UHRF2: variants seen among roughly 807,000 people sequenced by gnomAD.
UHRF2 encodes the protein E3 ubiquitin-protein ligase UHRF2.
A neutral mutation model predicts 96.8 loss-of-function variants in UHRF2; 23 were observed. That is an observed-to-expected ratio of 0.24 (90% CI 0.17 to 0.34). UHRF2 has a LOEUF of 0.34. Ranked by LOEUF, UHRF2 falls within the 10% of genes least tolerant of loss-of-function variation. The probability of loss-of-function intolerance (pLI) is 1.00; values close to 1 mark genes in which losing one functional copy is unlikely to be tolerated. For missense variants in UHRF2, 685 were observed against 981.5 expected, an observed-to-expected ratio of 0.70 and a Z score of 4.04; for synonymous variants, 385 against 332.6, an observed-to-expected ratio of 1.16 and a Z score of -1.72.
intron 14 of UHRF2, 79 bp from the exon 15 acceptor site, chr9:6,504,514 G>T: frequency 1.1e-6 from 1 of 901,328 alleles, no homozygotes; most frequent in Non-Finnish European, 1.7e-6. Context: ...TAGCTGTTTT[G>T]AAATACACAG....
chr9:6,418,026 A>G (rs2130710606), intron 1 of UHRF2, among the ~76,000 whole-genome samples: 1 of 152,188 alleles, frequency 6.6e-6, no homozygotes, highest in East Asian at 1.9e-4. Context: ...CATGTTTTAT[A>G]CTGTTAGTTT....
At position 6,506,359 on chromosome 9, in the gene UHRF2, T is replaced by C. The variant is rs1587894934; in HGVS notation, c.*180T>C. The C allele has an allele frequency of 1.5e-5, 11 of 719,186 alleles. No individual in the cohort carries two copies. In the South Asian group the frequency reaches 2.6e-4, roughly 17 times the overall value. 44.6% of individuals were successfully genotyped at this position (719,186 alleles called of 1,614,324 possible). A position where few individuals can be genotyped will look rare whatever the true frequency, so the allele number is the denominator to read the frequency against. On this transcript the variant is annotated 3_prime_UTR_variant, in exon 16 of 16. Coordinates refer to ENST00000276893, the MANE Select transcript of UHRF2 (RefSeq NM_152896.3). ...AAGAGGCCCATTTCTCAACTGTCTT[T>C]TAAATATCTAAAGGTAGTTCCTGTA...
rs1825161297 is a variant in UHRF2, at chr9:6,499,662, TTGTC to T, written c.1909-169_1909-166del. ...GCTACATAAATTGGGATTTTAATAG[TTGTC>T]TGTGCTTTGAATTCTTTTCCTTTAA... On this transcript the variant is annotated intron_variant, in intron 12 of 15. Coordinates refer to ENST00000276893, the MANE Select transcript of UHRF2 (RefSeq NM_152896.3). 7.0e-6 allele frequency: 3 copies of T among 431,412 alleles called. No homozygotes were observed. In the South Asian group the frequency reaches 1.4e-4, roughly 20 times the overall value. 26.7% of individuals were successfully genotyped at this position (431,412 alleles called of 1,614,324 possible). A position where few individuals can be genotyped will look rare whatever the true frequency, so the allele number is the denominator to read the frequency against.
chr9:6,454,646 C>G (rs1822073601), intron 3 of UHRF2, among the ~76,000 whole-genome samples: 2 of 152,114 alleles, frequency 1.3e-5, no homozygotes, highest in Admixed American at 1.3e-4. Flanking sequence ...GAGTCCTGAG[C>G]TTACATAGTC....
chr9:6,453,713 G>T (rs972591281), intron 3 of UHRF2, among the ~76,000 whole-genome samples: 42 of 152,178 alleles, frequency 2.8e-4, no homozygotes, highest in South Asian at 1.5e-3. Context: ...GACCATCCTG[G>T]CTAACATGGT....
At chr9:6,505,295 G>C (rs568357381) in intron 15 of UHRF2, among the ~76,000 whole-genome samples, 1 of 150,714 alleles carries the variant, frequency 6.6e-6, no homozygotes, top group Non-Finnish European at 1.5e-5. Context: ...GTGTGTGTGT[G>C]TATATATATA....
intron 8 of UHRF2, 139 bp downstream of exon 8, chr9:6,482,238 A>T (rs1387570699): frequency 7.0e-6 from 5 of 712,964 alleles, no homozygotes; most frequent in Non-Finnish European, 1.2e-5. Flanking sequence ...GGATGGGTGT[A>T]CTCTTCCTGG....
chr9:6,475,570 G>C, intron 5 of UHRF2, 70 bp downstream of exon 5: 2 of 788,060 alleles, frequency 2.5e-6, no homozygotes, highest in Non-Finnish European at 3.8e-6. Context: ...TTACTGGTCA[G>C]TGAATAACTT....
rs564848793 is a variant in UHRF2 at position 6,440,226 on chromosome 9, TTAA to T, written c.644+6059_644+6061del. Among the ~76,000 whole-genome samples, 32 of 152,348 alleles carry T rather than the reference TTAA, an allele frequency of 2.1e-4. No homozygotes were observed. The South Asian group carries it at 6.6e-3, about 32-fold the overall frequency. ...AAGGGCAGTCATTTCATTAGTGTTT[TTAA>T]TAATATCTGTGGCATAGCTTATGAT... On this transcript the variant is annotated intron_variant, in intron 3 of 15. Coordinates refer to ENST00000276893, the MANE Select transcript of UHRF2 (RefSeq NM_152896.3).
At chr9:6,442,722 C>G (rs144281515) in intron 3 of UHRF2, among the ~76,000 whole-genome samples, 2 of 151,680 alleles carry the variant, frequency 1.3e-5, no homozygotes, top group East Asian at 3.9e-4. Flanking sequence ...GAACTCCAGG[C>G]TCAAGCAATC....
At chr9:6,493,805 A>G (rs758985672) in intron 9 of UHRF2, 21 bp from the exon 10 acceptor site, 2 of 1,592,502 alleles carry the variant, frequency 1.3e-6, no homozygotes, top group Non-Finnish European at 8.6e-7. Flanking sequence ...CTTTCTTAAT[A>G]AAGAAAATCT....
At chr9:6,492,220 C>G (rs933258231) in intron 9 of UHRF2, 79 of 474,624 alleles carry the variant, frequency 1.7e-4, no homozygotes, top group Non-Finnish European at 2.5e-4. Context: ...GTTTTAAATA[C>G]TATTTAGCTT....
chr9:6,501,526 TA>T (rs1038707577), intron 14 of UHRF2, among the ~76,000 whole-genome samples: 1 of 152,236 alleles, frequency 6.6e-6, no homozygotes, highest in African/African-American at 2.4e-5. Flanking sequence ...TCATTATTAT[TA>T]AGGAAGAATT....
At chr9:6,425,150 G>A (rs1820175111) in intron 2 of UHRF2, among the ~76,000 whole-genome samples, 1 of 152,132 alleles carries the variant, frequency 6.6e-6, no homozygotes, top group African/African-American at 2.4e-5. Flanking sequence ...GGAAGTTAAT[G>A]TACTTCACTG....
At chr9:6,420,848 C>G in intron 1 of UHRF2, 64 bp from the exon 2 acceptor site, 1 of 1,342,434 alleles carries the variant, frequency 7.4e-7, no homozygotes, top group Non-Finnish European at 1.1e-6. Context: ...GACATTTGAG[C>G]AACTAAAAAT....
intron 4 of UHRF2, among the ~76,000 whole-genome samples, chr9:6,469,933 A>G (rs1823139465): frequency 6.6e-6 from 1 of 152,162 alleles, no homozygotes; most frequent in Admixed American, 6.5e-5. Flanking sequence ...AATTCTAAGC[A>G]GGATAAATAT....
In UHRF2 at chr9:6,503,660, A is replaced by C. The variant is rs183156547; in HGVS notation, c.2164-933A>C. ...GTATTGTTTCCTAGTGTTTTTTTTT[A>C]AGCTCCTAAAGACAAATATTCAAGT... On this transcript the variant is annotated intron_variant, in intron 14 of 15. Transcript: ENST00000276893. Among the ~76,000 whole-genome samples the C allele has an allele frequency of 6.3e-4, 95 of 151,928 alleles. 1 individual carries two copies. In the East Asian group the frequency reaches 0.014, roughly 22 times the overall value.
chr9:6,493,925 A>G lies in UHRF2; in HGVS notation c.1597A>G (p.Met533Val). The G allele has an allele frequency of 6.2e-7, 1 of 1,613,626 alleles. No individual in the cohort carries two copies. Among genetic ancestry groups the G allele is most frequent in the Non-Finnish European group, 8.5e-7 (1 of 1,179,718 alleles). ...TTCAGCTGATCAAACATTAACAAAC[A>G]TGAACAGGTACTACTATAGACACTG... ...APSADQTLTN[M>V]NRALALNCDA... is the part of the protein sequence containing the mutation. The change falls in exon 10 of 16, where the codon ATG becomes GTG. Residue 533 changes from methionine (M) to valine (V), a missense_variant. Transcript: ENST00000276893.
intron 3 of UHRF2, among the ~76,000 whole-genome samples, chr9:6,450,507 T>TA (rs2130816982): frequency 6.6e-6 from 1 of 152,302 alleles, no homozygotes; most frequent in Non-Finnish European, 1.5e-5. Flanking sequence ...TTTGTTTACC[T>TA]ATGGCATGGT....
Sources: allele counts gnomAD v4.1 joint callset (sites outside exome capture counted in the v4.1 genomes callset), GRCh38; gene constraint gnomAD v4.1.1; transcripts MANE v1.5; gene names NCBI Gene and HGNC (gene_info 2026-07-23, HGNC 2026-07-21).